Variants in CATSPERB observed in about 807,000 individuals in gnomAD.
The protein encoded by CATSPERB is catsper channel auxiliary subunit beta.
CATSPERB carries 93 observed loss-of-function variants against 128.3 expected under a neutral mutation model. The observed-to-expected ratio is 0.72, with a 90% CI of 0.61 to 0.86. The LOEUF (loss-of-function observed/expected upper bound fraction) is 0.86. CATSPERB is among the 40% of genes least tolerant of loss of function. CATSPERB has a pLI of 0.00. For synonymous variants in CATSPERB, 381 were observed against 448.8 expected (o/e 0.85, Z 1.91); for missense variants, 1,153 against 1,329.5 (o/e 0.87, Z 2.06).
chr14:91,687,517 C>A (rs1326562492), intron 10 of CATSPERB, among the ~76,000 whole-genome samples: 1 of 152,158 alleles, frequency 6.6e-6, no homozygotes, highest in Admixed American at 6.5e-5. Flanking sequence ...CAGCCCTCAC[C>A]AGACACTGAA....
rs1229004871 is a variant in CATSPERB, at chr14:91,580,908, C to T, written c.3332G>A (p.Arg1111Lys). Residue 1111 changes from arginine (R) to lysine (K), a missense_variant, in exon 27 of 27, where the codon AGA becomes AAA. By Grantham distance (26) the Arg-to-Lys change is conservative. Coordinates refer to ENST00000256343, the MANE Select transcript of CATSPERB (RefSeq NM_024764.4). ...SSISLSELIH[R>K]SKSEE The stretch of plus-strand genomic sequence containing the variant: ...ATGTGTTCACTCTTCAGACTTTGAT[C>T]TATGAATCAGCTCACTGAGAGAGAT... 6.2e-7 allele frequency: 1 copy of T among 1,614,090 alleles called. No individual in the cohort carries two copies. The highest frequency in any genetic ancestry group is 8.5e-7 in the Non-Finnish European group (1 of 1,179,936).
At chr14:91,626,031 A>C (rs1282770114) in intron 17 of CATSPERB, among the ~76,000 whole-genome samples, 1 of 152,162 alleles carries the variant, frequency 6.6e-6, no homozygotes, top group Non-Finnish European at 1.5e-5. Context: ...AGGCTGAGGC[A>C]GTGGGATCAC....
chr14:91,622,387 T>C (rs954792124), intron 18 of CATSPERB, among the ~76,000 whole-genome samples: 10 of 152,072 alleles, frequency 6.6e-5, no homozygotes, highest in Non-Finnish European at 8.8e-5. Flanking sequence ...TTAAGGAGAA[T>C]ATGAAGATTT....
intron 10 of CATSPERB, among the ~76,000 whole-genome samples, chr14:91,690,978 T>C (rs1237056752): frequency 1.3e-5 from 2 of 152,226 alleles, no homozygotes; most frequent in African/African-American, 4.8e-5. Context: ...CCTAGTTCAT[T>C]AATCACAAAA....
chr14:91,612,043 TC>T (rs1893840396), intron 20 of CATSPERB, among the ~76,000 whole-genome samples: 1 of 109,604 alleles, frequency 9.1e-6, no homozygotes, highest in Non-Finnish European at 2.0e-5. Flanking sequence ...TTTCTTTCTT[TC>T]TTTCTTTCTT....
rs1442476723 is a variant in CATSPERB, at chr14:91,670,640, A to G, written c.1129-668T>C. Among the ~76,000 whole-genome samples, 3 of 152,038 alleles carry G rather than the reference A, an allele frequency of 2.0e-5. No homozygotes were observed. The East Asian group carries it at 5.8e-4, about 29-fold the overall frequency. On this transcript the variant is annotated intron_variant, in intron 13 of 26. Transcript: ENST00000256343. Reference sequence around the variant, plus strand: ...GTCTGTGGTGAACTATGATCACACCACTGCACTCCAGCCTGAGTGAGAGTG... The same window carrying G: ...GTCTGTGGTGAACTATGATCACACCGCTGCACTCCAGCCTGAGTGAGAGTG...
chr14:91,662,076 A>G (rs1482299068), intron 14 of CATSPERB, among the ~76,000 whole-genome samples: 1 of 152,134 alleles, frequency 6.6e-6, no homozygotes, highest in African/African-American at 2.4e-5. Context: ...ATTATTTAAT[A>G]ATATAATGAA....
intron 11 of CATSPERB, among the ~76,000 whole-genome samples, chr14:91,675,696 C>A (rs1413949147): frequency 6.6e-6 from 1 of 152,066 alleles, no homozygotes; most frequent in East Asian, 1.9e-4. Flanking sequence ...ACATTTGGGC[C>A]CTTATCTACT....
chr14:91,651,534 T>C (rs1269982965), intron 15 of CATSPERB, among the ~76,000 whole-genome samples: 2 of 152,216 alleles, frequency 1.3e-5, no homozygotes, highest in East Asian at 1.9e-4. Context: ...AAAACTGATA[T>C]AGTGTTTTTA....
intron 22 of CATSPERB, 37 bp from the exon 23 acceptor site, chr14:91,592,039 T>C (rs1227717101): frequency 1.5e-6 from 2 of 1,326,572 alleles, no homozygotes; most frequent in Admixed American, 1.7e-5. Context: ...CTTGTTTTTC[T>C]GCGTTGCGGG....
chr14:91,669,844 T>C lies in CATSPERB; in HGVS notation c.1257A>G (p.Arg419=). 5 of 1,613,042 alleles carry C rather than the reference T, an allele frequency of 3.1e-6. No individual in the cohort carries two copies. The highest frequency in any genetic ancestry group is 1.7e-4 in the Middle Eastern group (1 of 6,058). ...SSPVGMVFHP[R]SHFLYAYGNQ... Reference sequence around the variant, plus strand: ...TGCCATAAGCATACAAAAAGTGGCTTCGGGGATGAAATACCATTCCAACGG... The same window carrying C: ...TGCCATAAGCATACAAAAAGTGGCTCCGGGGATGAAATACCATTCCAACGG... The change falls in exon 14 of 27, where the codon CGA becomes CGG. Residue 419 remains arginine (R), a synonymous_variant. Coordinates refer to ENST00000256343, the MANE Select transcript of CATSPERB (RefSeq NM_024764.4).
intron 7 of CATSPERB, among the ~76,000 whole-genome samples, chr14:91,700,106 C>T (rs1047024890): frequency 5.3e-5 from 8 of 152,040 alleles, no homozygotes; most frequent in Middle Eastern, 6.8e-3. Flanking sequence ...TCGACAGGCC[C>T]GGTGTGTGAT....
At chr14:91,664,379 T>A (rs1894944065) in intron 14 of CATSPERB, among the ~76,000 whole-genome samples, 1 of 150,344 alleles carries the variant, frequency 6.7e-6, no homozygotes, top group Non-Finnish European at 1.5e-5. Context: ...GATTCTCCTG[T>A]CTCAGCCTCC....
intron 24 of CATSPERB, among the ~76,000 whole-genome samples, chr14:91,588,667 A>G (rs2139757662): frequency 6.6e-6 from 1 of 152,308 alleles, no homozygotes; most frequent in South Asian, 2.1e-4. Flanking sequence ...TGTAATTTCC[A>G]ATTTCCATAG....
chr14:91,656,748 T>C (rs956614967), intron 15 of CATSPERB, among the ~76,000 whole-genome samples: 3 of 151,986 alleles, frequency 2.0e-5, no homozygotes, highest in Non-Finnish European at 4.4e-5. Flanking sequence ...GTCCCAGTGA[T>C]CTGTTGCCTG....
intron 15 of CATSPERB, among the ~76,000 whole-genome samples, chr14:91,640,863 A>G (rs1264941484): frequency 8.0e-5 from 12 of 150,102 alleles, no homozygotes; most frequent in Non-Finnish European, 1.8e-4. Context: ...TCCCACCAAC[A>G]GTGTAAAAGT....
intron 7 of CATSPERB, 107 bp downstream of exon 7, chr14:91,704,445 C>A: frequency 8.5e-7 from 1 of 1,178,866 alleles, no homozygotes; most frequent in Non-Finnish European, 1.2e-6. Context: ...TTTTAGGAAA[C>A]AATTTTCCTT....
chr14:91,686,165 A>T (rs1012324593), intron 10 of CATSPERB, among the ~76,000 whole-genome samples: 5 of 151,914 alleles, frequency 3.3e-5, no homozygotes, highest in Non-Finnish European at 5.9e-5. Flanking sequence ...TCTTTCTCTT[A>T]CTCTGCTTTA....
chr14:91,604,603 G>C, intron 22 of CATSPERB: 1 of 1,610,954 alleles, frequency 6.2e-7, no homozygotes, highest in Non-Finnish European at 8.5e-7. Flanking sequence ...AGTTATAGAA[G>C]GGACTGTTCC....
Sources: gnomAD v4.1 joint callset for allele counts (sites outside exome capture counted in the v4.1 genomes callset) on GRCh38, gnomAD v4.1.1 for gene constraint, MANE v1.5 for transcripts, NCBI Gene and HGNC (gene_info 2026-07-23, HGNC 2026-07-21) for gene names.